Variants in GPRC5B observed in about 807,000 individuals in gnomAD.
The protein encoded by GPRC5B is G protein-coupled receptor class C group 5 member B.
In GPRC5B, 16 loss-of-function variants were observed where a neutral mutation model predicts 30.1. The ratio of observed to expected loss-of-function variants is 0.53; its 90% confidence interval spans 0.36 to 0.81. The LOEUF (loss-of-function observed/expected upper bound fraction) is 0.81, where lower values mean the gene tolerates loss of function less well. Among genes scored for constraint, GPRC5B ranks in the 30% least tolerant of loss-of-function variants. The probability of loss-of-function intolerance (pLI) is 0.01; values close to 1 mark genes in which losing one functional copy is unlikely to be tolerated. For synonymous variants in GPRC5B, 241 were observed against 239.5 expected (o/e 1.01, Z -0.06); for missense variants, 428 against 544.7 (o/e 0.79, Z 2.13).
intron 2 of GPRC5B, among the ~76,000 whole-genome samples, chr16:19,864,019 A>AT (rs1302887384): frequency 6.6e-6 from 1 of 151,606 alleles, no homozygotes; most frequent in South Asian, 2.1e-4. Flanking sequence ...CTCACATTGG[A>AT]TTTTTTATTA....
chr16:19,870,248 G>A (rs747983004), intron 2 of GPRC5B, among the ~76,000 whole-genome samples: 8 of 152,174 alleles, frequency 5.3e-5, no homozygotes, highest in African/African-American at 9.7e-5. Context: ...TCATTAATGT[G>A]CTTGTTTTAT....
chr16:19,867,248 C>T (rs577263039), intron 2 of GPRC5B, among the ~76,000 whole-genome samples: 5 of 152,340 alleles, frequency 3.3e-5, no homozygotes, highest in African/African-American at 1.2e-4. Flanking sequence ...GGCATGCGGG[C>T]TCTGGAGCTA....
At chr16:19,864,930 T>G (rs1244805193) in intron 2 of GPRC5B, among the ~76,000 whole-genome samples, 5 of 134,862 alleles carry the variant, frequency 3.7e-5, no homozygotes, top group African/African-American at 5.8e-5. Flanking sequence ...TTTTTTTTTT[T>G]GTCAGGGTCT....
chr16:19,872,471 G>A lies in GPRC5B; in HGVS notation c.375C>T (p.Arg125=). ...IQEDETICSV[R]RFLWGVLFAL... is the part of the protein sequence containing the mutation. ...CAAAGAGGACGCCCCAGAGGAAGCG[G>A]CGGACAGAGCAGATGGTCTCGTCCT... Residue 125 remains arginine, a synonymous_variant, in exon 2 of 4, where the codon CGC becomes CGT. Coordinates refer to ENST00000300571, the MANE Select transcript of GPRC5B (RefSeq NM_016235.3). The surrounding 1 kb of genome is among the most constrained non-coding windows in gnomAD (Gnocchi z 5.0). The A allele has an allele frequency of 6.2e-7, 1 of 1,614,008 alleles. No homozygotes were observed. The highest frequency in any genetic ancestry group is 8.5e-7 in the Non-Finnish European group (1 of 1,179,922).
At chr16:19,861,102 A>AAAAAAAAG (rs1555457899) in intron 3 of GPRC5B, among the ~76,000 whole-genome samples, 8 of 151,748 alleles carry the variant, frequency 5.3e-5, no homozygotes, top group African/African-American at 1.9e-4. Context: ...AAAAAAAAAA[A>AAAAAAAAG]AAGAAGAATG....
chr16:19,880,857 C>G (rs1597636093), intron 1 of GPRC5B: 1 of 152,280 alleles, frequency 6.6e-6, no homozygotes, highest in Non-Finnish European at 1.5e-5. Flanking sequence ...TGGCCTTGCC[C>G]CAGCTGCTAC....
rs1244187059 is a variant in GPRC5B at position 19,872,919 on chromosome 16, C to T, written c.-1-73G>A. 5.4e-6 allele frequency: 6 copies of T among 1,118,518 alleles called. No individual in the cohort carries two copies. In the African/African-American group the frequency reaches 9.3e-5, roughly 17 times the overall value. 69.3% of individuals were successfully genotyped at this position (1,118,518 alleles called of 1,614,324 possible). ...CATTGGAAGACTCCCCCTCTCCTGA[C>T]TTCTTGAAGAAGACTCGCCTCATTT... On this transcript the variant is annotated intron_variant, in intron 1 of 3. Coordinates refer to ENST00000300571, the MANE Select transcript of GPRC5B (RefSeq NM_016235.3). The surrounding 1 kb of genome is among the most constrained non-coding windows in gnomAD (Gnocchi z 5.0).
In GPRC5B at chr16:19,872,392, G is replaced by A. The variant is rs146562274; in HGVS notation, c.454C>T (p.Arg152Trp). Reference sequence around the variant, plus strand: ...CAGCCCGCGGGGCCCGTGCCATGCCGCACCAGCCTCCGCACGCGCCATGCC... The same window carrying A: ...CAGCCCGCGGGGCCCGTGCCATGCCACACCAGCCTCCGCACGCGCCATGCC... ...SQAWRVRRLV[R>W]HGTGPAGWQL... The change falls in exon 2 of 4, where the codon CGG becomes TGG. Residue 152 changes from arginine (R) to tryptophan (W), a missense_variant. This residue lies in a region of GPRC5B where 196 missense variants were observed against 272.6 expected (regional missense o/e 0.72). Coordinates refer to ENST00000300571, the MANE Select transcript of GPRC5B (RefSeq NM_016235.3). This position sits in a 1 kb window ranked among gnomAD's most constrained non-coding sequence, Gnocchi z 5.0. 32 of 1,613,236 alleles carry A rather than the reference G, an allele frequency of 2.0e-5. No homozygotes were observed. Among genetic ancestry groups the A allele is most frequent in the Middle Eastern group, 1.6e-4 (1 of 6,080 alleles).
chr16:19,872,774 G>C lies in GPRC5B; in HGVS notation c.72C>G (p.Thr24=), dbSNP rs1300873375. 6.2e-7 allele frequency: 1 copy of C among 1,613,720 alleles called. No homozygotes were observed. The highest frequency in any genetic ancestry group is 8.5e-7 in the Non-Finnish European group (1 of 1,179,876). The change falls in exon 2 of 4, where the codon ACC becomes ACG. Residue 24 remains threonine, a synonymous_variant. Coordinates refer to ENST00000300571, the MANE Select transcript of GPRC5B (RefSeq NM_016235.3). The surrounding 1 kb of genome is among the most constrained non-coding windows in gnomAD (Gnocchi z 5.0). ...VLTFLLLFVI[T]SVASENASTS... Reference sequence around the variant, plus strand: ...TGCTGGCGTTTTCAGAGGCCACCGAGGTGATCACGAAGAGCAGGAGGAAGG... The same window carrying C: ...TGCTGGCGTTTTCAGAGGCCACCGACGTGATCACGAAGAGCAGGAGGAAGG...
chr16:19,868,917 C>A (rs1481763972), intron 2 of GPRC5B, among the ~76,000 whole-genome samples: 1 of 152,140 alleles, frequency 6.6e-6, no homozygotes, highest in Non-Finnish European at 1.5e-5. Flanking sequence ...AATCTGAAGT[C>A]CTCGGACAAG....
Position 19,872,891 on chromosome 16 carries a change from A to G in GPRC5B, c.-1-45T>C. 3 of 1,426,188 alleles carry G rather than the reference A, an allele frequency of 2.1e-6. No individual in the cohort carries two copies. Among genetic ancestry groups the G allele is most frequent in the Non-Finnish European group, 2.9e-6 (3 of 1,024,770 alleles). 88.3% of individuals were successfully genotyped at this position (1,426,188 alleles called of 1,614,324 possible). Reference sequence around the variant, plus strand: ...AATGGTTGGGGGGAAGGAAAGATGAATTCATTGGAAGACTCCCCCTCTCCT... The same window carrying G: ...AATGGTTGGGGGGAAGGAAAGATGAGTTCATTGGAAGACTCCCCCTCTCCT... On this transcript the variant is annotated intron_variant, in intron 1 of 3. Transcript: ENST00000300571. This position sits in a 1 kb window ranked among gnomAD's most constrained non-coding sequence, Gnocchi z 5.0.
intron 3 of GPRC5B, among the ~76,000 whole-genome samples, chr16:19,861,600 A>G (rs227763): frequency 0.61 from 92,761 of 152,090 alleles, 30,204 homozygotes; most frequent in East Asian, 0.84. Context: ...CAAGGATTAC[A>G]AACTCTTTCA....
In GPRC5B at chr16:19,872,482, A is replaced by G; in HGVS notation, c.364T>C (p.Cys122Arg). Residue 122 changes from cysteine (C) to arginine (R), a missense_variant, in exon 2 of 4, where the codon TGC becomes CGC. By Grantham distance (180) the Cys-to-Arg change is radical. Around this residue, in one of 3 missense-constraint regions of GPRC5B, gnomAD observed 196 missense variants for 272.6 expected, o/e 0.72. Transcript: ENST00000300571. This position sits in a 1 kb window ranked among gnomAD's most constrained non-coding sequence, Gnocchi z 5.0. ...CCCCAGAGGAAGCGGCGGACAGAGCAGATGGTCTCGTCCTCCTGGATGATG... is the reference window on the plus strand; with the variant it reads ...CCCCAGAGGAAGCGGCGGACAGAGCGGATGGTCTCGTCCTCCTGGATGATG... ...AFIIQEDETI[C>R]SVRRFLWGVL... 1.2e-6 allele frequency: 2 copies of G among 1,613,950 alleles called. No individual in the cohort carries two copies. The highest frequency in any genetic ancestry group is 1.7e-6 in the Non-Finnish European group (2 of 1,179,860).
At chr16:19,861,762 T>C (rs901732513) in intron 3 of GPRC5B, 75 bp downstream of exon 3, 2 of 1,274,660 alleles carry the variant, frequency 1.6e-6, no homozygotes, top group Admixed American at 3.5e-5. Flanking sequence ...TGGAGGAGTA[T>C]GTCCCTGTTG....
At chr16:19,862,622 A>AT (rs2056636041) in intron 2 of GPRC5B, among the ~76,000 whole-genome samples, 1 of 152,172 alleles carries the variant, frequency 6.6e-6, no homozygotes. Context: ...ACAAAAAAAA[A>AT]GGGTAGAAGC....
intron 2 of GPRC5B, among the ~76,000 whole-genome samples, chr16:19,864,329 C>A (rs2056650233): frequency 6.6e-6 from 1 of 152,270 alleles, no homozygotes; most frequent in Non-Finnish European, 1.5e-5. Flanking sequence ...GAGGAAAGAA[C>A]ACTTTTCTTT....
At chr16:19,878,961 G>A (rs1266068814) in intron 1 of GPRC5B, among the ~76,000 whole-genome samples, 1 of 152,140 alleles carries the variant, frequency 6.6e-6, no homozygotes, top group African/African-American at 2.4e-5. Flanking sequence ...CAGGCGATGT[G>A]GGGGTGTACT....
chr16:19,857,648 A>G lies in GPRC5B; in HGVS notation c.*2852T>C. Reference sequence around the variant, plus strand: ...ATAAAAGCCACAATGCTCCCTTTCAACTTGGGGTTTGGCCTGAGGCGTTCA... The same window carrying G: ...ATAAAAGCCACAATGCTCCCTTTCAGCTTGGGGTTTGGCCTGAGGCGTTCA... On this transcript the variant is annotated 3_prime_UTR_variant, in exon 4 of 4. Coordinates refer to ENST00000300571, the MANE Select transcript of GPRC5B (RefSeq NM_016235.3). The G allele has an allele frequency of 3.6e-6, 1 of 277,014 alleles. No individual in the cohort carries two copies. The allele number at this position is 277,014 out of a possible 1,614,324, so 17.2% of individuals were successfully genotyped here. A position where few individuals can be genotyped will look rare whatever the true frequency, so the allele number is the denominator to read the frequency against.
chr16:19,864,725 C>T (rs974241627), intron 2 of GPRC5B, among the ~76,000 whole-genome samples: 3 of 152,364 alleles, frequency 2.0e-5, no homozygotes, highest in African/African-American at 7.2e-5. Context: ...AGGCCTCTGC[C>T]TCATGGGGCC....
Sources: allele counts gnomAD v4.1 joint callset (sites outside exome capture counted in the v4.1 genomes callset), GRCh38; gene constraint gnomAD v4.1.1; regional missense constraint gnomAD v4.1.1; non-coding constraint Gnocchi (gnomAD v3.1); transcripts MANE v1.5; gene names NCBI Gene and HGNC (gene_info 2026-07-23, HGNC 2026-07-21).